Variants in FTO observed in about 807,000 individuals in gnomAD.
FTO encodes the protein FTO alpha-ketoglutarate dependent dioxygenase, also known as alpha-ketoglutarate-dependent dioxygenase FTO.
Under a neutral mutation model 63.9 loss-of-function variants are expected in FTO, and 47 were observed. That is an observed-to-expected ratio of 0.74 (90% CI 0.58 to 0.94). The LOEUF (loss-of-function observed/expected upper bound fraction) is 0.94. FTO is among the 40% of genes least tolerant of loss of function. The pLI, the probability that FTO is intolerant of heterozygous loss-of-function variation, is 0.00. For missense variants in FTO, 562 were observed against 618.1 expected (o/e 0.91, Z 0.96); for synonymous variants, 207 against 224.4 (o/e 0.92, Z 0.69).
chr16:53,917,707 TGA>T (rs1567435098), intron 7 of FTO, among the ~76,000 whole-genome samples: 1 of 115,604 alleles, frequency 8.7e-6, no homozygotes, highest in East Asian at 2.4e-4. Context: ...CAAAATTGAG[TGA>T]GTGTGTGTGT....
intron 7 of FTO, among the ~76,000 whole-genome samples, chr16:53,933,151 A>G (rs1052729234): frequency 2.6e-5 from 4 of 152,236 alleles, no homozygotes; most frequent in African/African-American, 4.8e-5. Context: ...GTAAGGGAGT[A>G]GTGTTTCAAG....
At chr16:53,861,068 C>A (rs1041128342) in intron 4 of FTO, among the ~76,000 whole-genome samples, 2 of 152,224 alleles carry the variant, frequency 1.3e-5, no homozygotes, top group South Asian at 4.1e-4. Flanking sequence ...TGTTTTAAAT[C>A]ACAAAATAAT....
intron 1 of FTO, among the ~76,000 whole-genome samples, chr16:53,746,481 A>G (rs1219088272): frequency 6.6e-6 from 1 of 152,180 alleles, no homozygotes; most frequent in Non-Finnish European, 1.5e-5. Flanking sequence ...ACTAATATAG[A>G]GGGATTAGTA....
chr16:53,936,617 C>T (rs936309847), intron 8 of FTO, among the ~76,000 whole-genome samples: 3 of 152,092 alleles, frequency 2.0e-5, no homozygotes, highest in Admixed American at 6.6e-5. Context: ...TTGTGTACTT[C>T]GGAATTACAC....
At chr16:53,988,308 T>C (rs1418184945) in intron 8 of FTO, among the ~76,000 whole-genome samples, 1 of 152,218 alleles carries the variant, frequency 6.6e-6, no homozygotes, top group Non-Finnish European at 1.5e-5. Flanking sequence ...AATAACTTAA[T>C]GTACTTTGAA....
Position 53,879,925 on chromosome 16 carries a change from G to A in FTO, c.1057G>A (p.Asp353Asn). Reference protein sequence around the residue: ...QNVCDDVDNDDVSLKSFEPAV... With the variant: ...QNVCDDVDNDNVSLKSFEPAV... ...TGTCTGTGACGATGTGGACAATGATGATGTCTCTTTGAAATCCTTTGAGCC... is the reference window on the plus strand; with the variant it reads ...TGTCTGTGACGATGTGGACAATGATAATGTCTCTTTGAAATCCTTTGAGCC... The change falls in exon 6 of 9, where the codon GAT (aspartate) becomes AAT (asparagine). Residue 353 changes from aspartate (D) to asparagine (N), a missense_variant. By Grantham distance (23) the Asp-to-Asn change is conservative. Coordinates refer to ENST00000471389, the MANE Select transcript of FTO (RefSeq NM_001080432.3). 1 of 1,613,842 alleles carries A rather than the reference G, an allele frequency of 6.2e-7. No individual in the cohort carries two copies. The highest frequency in any genetic ancestry group is 8.5e-7 in the Non-Finnish European group (1 of 1,179,854).
chr16:53,943,234 T>TC lies in FTO; in HGVS notation c.1364+9130dup, dbSNP rs1372453967. Among the ~76,000 whole-genome samples the TC allele has an allele frequency of 9.2e-5, 14 of 152,304 alleles. No homozygotes were observed. The East Asian group carries it at 2.1e-3, about 23-fold the overall frequency. Reference sequence around the variant, plus strand: ...GAGTCTAGAGATAGGGTTACTTTTTTCCCCCAAGATACAGCAACTTATCTT... The same window carrying TC: ...GAGTCTAGAGATAGGGTTACTTTTTTCCCCCCAAGATACAGCAACTTATCTT... On this transcript the variant is annotated intron_variant, in intron 8 of 8. Transcript: ENST00000471389.
In FTO at chr16:54,115,530, T is replaced by G. The variant is rs931337921; in HGVS notation, c.*3615T>G. The G allele has an allele frequency of 6.6e-6, 1 of 152,150 alleles. No homozygotes were observed. The highest frequency in any genetic ancestry group is 2.4e-5 in the African/African-American group (1 of 41,366). The allele number at this position is 152,150 out of a possible 1,614,324, so 9.4% of individuals were successfully genotyped here. ...GAGATGGTGACTGACCAAGGGGACC[T>G]TGATCAGGCTGTGGGGAAGGGAGGT... is the stretch of plus-strand genomic sequence containing the variant. On this transcript the variant is annotated 3_prime_UTR_variant, in exon 9 of 9. Transcript: ENST00000471389.
intron 8 of FTO, among the ~76,000 whole-genome samples, chr16:53,999,417 C>T (rs1275790294): frequency 1.3e-5 from 2 of 152,176 alleles, no homozygotes; most frequent in East Asian, 1.9e-4. Context: ...ATCCCCTTAA[C>T]AAACACTGGG....
intron 7 of FTO, among the ~76,000 whole-genome samples, chr16:53,902,008 G>T (rs2081416333): frequency 6.6e-6 from 1 of 152,128 alleles, no homozygotes; most frequent in South Asian, 2.1e-4. Flanking sequence ...CAAAGAAACT[G>T]AAGAAAGTCA....
At chr16:53,773,716 C>T (rs1187530435) in intron 1 of FTO, among the ~76,000 whole-genome samples, 1 of 152,136 alleles carries the variant, frequency 6.6e-6, no homozygotes, top group African/African-American at 2.4e-5. Flanking sequence ...TTTATATTAA[C>T]TGGCTTTTGA....
Position 53,704,235 on chromosome 16 carries a change from T to C in FTO, c.45+6T>C. 6.4e-7 allele frequency: 1 copy of C among 1,551,410 alleles called. No individual in the cohort carries two copies. The highest frequency in any genetic ancestry group is 8.7e-7 in the Non-Finnish European group (1 of 1,146,784). ...AACGAGAGCGCGAAGCTAAGGTATG[T>C]CGGGCTCCCGGGGCCTGGAGATCTT... is the stretch of plus-strand genomic sequence containing the variant. On this transcript the variant is annotated splice_donor_region_variant and intron_variant, in intron 1 of 8. Coordinates refer to ENST00000471389, the MANE Select transcript of FTO (RefSeq NM_001080432.3).
chr16:54,060,205 A>G, intron 8 of FTO, among the ~76,000 whole-genome samples: 1 of 152,210 alleles, frequency 6.6e-6, no homozygotes, highest in South Asian at 2.1e-4. Context: ...GTAAATGTTC[A>G]TCTCTGCCCA....
intron 8 of FTO, among the ~76,000 whole-genome samples, chr16:53,977,834 T>C (rs1465134398): frequency 6.6e-6 from 1 of 152,162 alleles, no homozygotes; most frequent in Non-Finnish European, 1.5e-5. Flanking sequence ...TCCTGATTTA[T>C]ATGCAGTGTT....
chr16:53,970,318 G>A lies in FTO; in HGVS notation c.1364+36209G>A, dbSNP rs541890073. 3.9e-5 allele frequency among the ~76,000 whole-genome samples: 6 copies of A among 152,188 alleles called. No individual in the cohort carries two copies. In the East Asian group the frequency reaches 7.7e-4, roughly 20 times the overall value. On this transcript the variant is annotated intron_variant, in intron 8 of 8. Transcript: ENST00000471389. ...GTGAAAAACAACAGGGGCTGGGCGC[G>A]GTAGCTCAAGCCTGTAATCCCAGCA... is the stretch of plus-strand genomic sequence containing the variant.
chr16:53,919,051 G>C (rs1188995509), intron 7 of FTO, among the ~76,000 whole-genome samples: 1 of 152,266 alleles, frequency 6.6e-6, no homozygotes, highest in African/African-American at 2.4e-5. Flanking sequence ...GTCAGTTTAC[G>C]TATATGTTAG....
rs2081706389 is a variant in FTO at position 53,911,562 on chromosome 16, T to C, written c.1240-22423T>C. The C allele has an allele frequency of 1.2e-4, 80 of 690,620 alleles. 3 individuals are homozygous for C. In the South Asian group the frequency reaches 1.2e-3, roughly 11 times the overall value. 42.8% of individuals were successfully genotyped at this position (690,620 alleles called of 1,614,324 possible). On this transcript the variant is annotated intron_variant, in intron 7 of 8. Transcript: ENST00000471389. ...TGTGTCATCTGATCTGAGGAGACAT[T>C]TCTCAGAAACCATTCTGTGTGGCAC... is the stretch of plus-strand genomic sequence containing the variant.
chr16:53,747,970 A>G (rs1179597470), intron 1 of FTO, among the ~76,000 whole-genome samples: 1 of 152,178 alleles, frequency 6.6e-6, no homozygotes, highest in African/African-American at 2.4e-5. Context: ...ACCCACATAC[A>G]TGCATGGGTT....
chr16:53,862,021 G>A (rs560463201), intron 4 of FTO, among the ~76,000 whole-genome samples: 1 of 152,142 alleles, frequency 6.6e-6, no homozygotes, highest in Non-Finnish European at 1.5e-5. Context: ...GGAGGTCGAG[G>A]TGGGCAGATC....
Sources: allele counts gnomAD v4.1 joint callset (sites outside exome capture counted in the v4.1 genomes callset), GRCh38; gene constraint gnomAD v4.1.1; transcripts MANE v1.5; gene names NCBI Gene and HGNC (gene_info 2026-07-23, HGNC 2026-07-21).